TRPM6: variants seen among roughly 807,000 people sequenced by gnomAD.
TRPM6 encodes transient receptor potential cation channel subfamily M member 6.
TRPM6 carries 111 observed loss-of-function variants against 247.6 expected under a neutral mutation model. The ratio of observed to expected loss-of-function variants is 0.45; its 90% CI spans 0.38 to 0.52. TRPM6 has a LOEUF of 0.52. TRPM6 is among the 20% of genes least tolerant of loss of function. The pLI is 0.00. For synonymous variants in TRPM6, 892 were observed against 853.8 expected, an observed-to-expected ratio of 1.04 and a Z score of -0.78; for missense variants, 2,126 against 2,421.5, an observed-to-expected ratio of 0.88 and a Z score of 2.56.
In TRPM6 at chr9:74,785,869, C is replaced by T; in HGVS notation, c.2919+5G>A. ...TACCAGGATATAAAACTAGACTGTACTCACCATTTTTGCAATCATGGTCAC... is the reference window on the plus strand; with the variant it reads ...TACCAGGATATAAAACTAGACTGTATTCACCATTTTTGCAATCATGGTCAC... On this transcript the variant is annotated splice_donor_5th_base_variant and intron_variant, in intron 21 of 38. Transcript: ENST00000360774. 6.2e-7 allele frequency: 1 copy of T among 1,614,144 alleles called. No homozygotes were observed. The highest frequency in any genetic ancestry group is 8.5e-7 in the Non-Finnish European group (1 of 1,180,008).
Position 74,810,822 on chromosome 9 carries a change from A to G in TRPM6, c.1490T>C (p.Val497Ala), listed in dbSNP as rs1049627101. 5.0e-6 allele frequency: 8 copies of G among 1,613,666 alleles called. No individual in the cohort carries two copies. The Admixed American group carries it at 8.3e-5, about 17-fold the overall frequency. The change falls in exon 13 of 39, where the codon GTG becomes GCG. Residue 497 changes from valine (V) to alanine (A), a missense_variant. By Grantham distance (64) the Val-to-Ala change is moderately conservative. Coordinates refer to ENST00000360774, the MANE Select transcript of TRPM6 (RefSeq NM_017662.5). ...NTLLHHLVQDVKQHTLLSGYR... is the reference protein window; with the variant it reads ...NTLLHHLVQDAKQHTLLSGYR... Reference sequence around the variant, plus strand: ...CCTTCTTAATTAGGTTACCTGTTTCACATCTTGGACGAGATGATGCAAGAG... The same window carrying G: ...CCTTCTTAATTAGGTTACCTGTTTCGCATCTTGGACGAGATGATGCAAGAG...
intron 25 of TRPM6, among the ~76,000 whole-genome samples, chr9:74,767,334 T>C (rs140316563): frequency 6.6e-6 from 1 of 152,332 alleles, no homozygotes; most frequent in Non-Finnish European, 1.5e-5. Context: ...AAAGCTGACT[T>C]ACACTACTAG....
chr9:74,804,869 T>A (rs1828479308), intron 14 of TRPM6: 1 of 399,752 alleles, frequency 2.5e-6, no homozygotes, highest in Admixed American at 4.1e-5. Flanking sequence ...GCACAAAAAA[T>A]CCCAAAATAT....
intron 1 of TRPM6, among the ~76,000 whole-genome samples, chr9:74,883,900 A>G (rs942932330): frequency 7.2e-5 from 11 of 152,174 alleles, no homozygotes; most frequent in Non-Finnish European, 1.6e-4. Flanking sequence ...CTGTAATCCC[A>G]GCACTTTGGA....
chr9:74,808,097 A>G lies in TRPM6; in HGVS notation c.1575T>C (p.Tyr525=), dbSNP rs1268944887. The G allele has an allele frequency of 1.2e-6, 2 of 1,613,842 alleles. No homozygotes were observed. The highest frequency in any genetic ancestry group is 1.3e-5 in the African/African-American group (1 of 74,892). Residue 525 remains tyrosine (Y), a synonymous_variant, in exon 14 of 39, where the codon TAT becomes TAC. Coordinates refer to ENST00000360774, the MANE Select transcript of TRPM6 (RefSeq NM_017662.5). The part of the protein sequence containing the change: ...LVVEYLIGRA[Y]RSNYTRKHFR... ...AATGTTTTCTAGTGTAGTTGCTGCG[A>G]TATGCTCTACCAATGAGGTATTCTA...
chr9:74,773,075 C>A (rs1015758337), intron 24 of TRPM6, among the ~76,000 whole-genome samples: 3 of 151,966 alleles, frequency 2.0e-5, no homozygotes, highest in African/African-American at 7.3e-5. Context: ...TACAGTGAGC[C>A]GAGATCGCTC....
chr9:74,733,159 G>A (rs1825580664), intron 36 of TRPM6, among the ~76,000 whole-genome samples: 1 of 150,856 alleles, frequency 6.6e-6, no homozygotes, highest in Non-Finnish European at 1.5e-5. Flanking sequence ...CCGAGATCAC[G>A]CCACTGCATT....
intron 21 of TRPM6, 37 bp downstream of exon 21, chr9:74,785,837 A>G: frequency 1.2e-6 from 2 of 1,613,490 alleles, no homozygotes; most frequent in Non-Finnish European, 1.7e-6. Flanking sequence ...ATAATTTTAA[A>G]AAAGAATACC....
At position 74,834,061 on chromosome 9, in the gene TRPM6, G is replaced by T. The variant is rs997214852; in HGVS notation, c.606C>A (p.Ile202=). 1 of 1,614,090 alleles carries T rather than the reference G, an allele frequency of 6.2e-7. No homozygotes were observed. The highest frequency in any genetic ancestry group is 1.1e-5 in the South Asian group (1 of 91,078). Residue 202 remains isoleucine (I), a synonymous_variant, in exon 6 of 39, where the codon ATC becomes ATA. Coordinates refer to ENST00000360774, the MANE Select transcript of TRPM6 (RefSeq NM_017662.5). The stretch of plus-strand genomic sequence containing the variant: ...CCCAAGGAGGGATTCCAACTGTCCA[G>T]ATTTTTCTCAAGGAATGAGAGGAAT... ...KSHSSHSLRK[I]WTVGIPPWGV...
chr9:74,835,682 A>T (rs1294875556), intron 5 of TRPM6, among the ~76,000 whole-genome samples: 1 of 152,124 alleles, frequency 6.6e-6, no homozygotes, highest in African/African-American at 2.4e-5. Flanking sequence ...TGGCACTGAG[A>T]GTTTAAATAA....
intron 33 of TRPM6, 57 bp downstream of exon 33, chr9:74,742,500 TTCAC>T: frequency 6.7e-7 from 1 of 1,501,810 alleles, no homozygotes; most frequent in Non-Finnish European, 9.3e-7. Flanking sequence ...TTTCCTTTGA[TTCAC>T]TCAGATTTTA....
chr9:74,774,249 C>T (rs1020339199), intron 24 of TRPM6, among the ~76,000 whole-genome samples: 2 of 152,130 alleles, frequency 1.3e-5, no homozygotes, highest in African/African-American at 2.4e-5. Flanking sequence ...ACCCAGGAAA[C>T]GTTCTTTCAT....
intron 28 of TRPM6, 97 bp downstream of exon 28, chr9:74,755,256 T>A: frequency 7.9e-7 from 1 of 1,265,604 alleles, no homozygotes; most frequent in Non-Finnish European, 1.1e-6. Context: ...CTCATCTCCA[T>A]GTGAAAGAAC....
intron 1 of TRPM6, among the ~76,000 whole-genome samples, chr9:74,868,471 G>A (rs1238774045): frequency 6.6e-6 from 1 of 151,648 alleles, no homozygotes; most frequent in Non-Finnish European, 1.5e-5. Context: ...CTCCAGCCTG[G>A]TCGACAGAGC....
chr9:74,844,309 A>G (rs1303014748), intron 3 of TRPM6, among the ~76,000 whole-genome samples: 1 of 152,208 alleles, frequency 6.6e-6, no homozygotes, highest in East Asian at 1.9e-4. Flanking sequence ...CTCTCTAGCT[A>G]TGAAAGTCTC....
At chr9:74,751,195 C>T (rs77525541) in intron 29 of TRPM6, among the ~76,000 whole-genome samples, 319 of 152,234 alleles carry the variant, frequency 2.1e-3, no homozygotes, top group African/African-American at 7.3e-3. Flanking sequence ...TTGGATTTAC[C>T]TCATTTGATT....
At chr9:74,866,891 A>T (rs536101221) in intron 1 of TRPM6, among the ~76,000 whole-genome samples, 1 of 152,210 alleles carries the variant, frequency 6.6e-6, no homozygotes, top group South Asian at 2.1e-4. Flanking sequence ...GTTTATTTAA[A>T]TTATGTCTAC....
intron 5 of TRPM6, among the ~76,000 whole-genome samples, chr9:74,835,026 T>C (rs1026771635): frequency 1.3e-5 from 2 of 152,194 alleles, no homozygotes; most frequent in Non-Finnish European, 2.9e-5. Flanking sequence ...TCTTCCACAA[T>C]GGTTGAACTA....
intron 3 of TRPM6, among the ~76,000 whole-genome samples, chr9:74,844,145 A>G (rs1325244791): frequency 6.6e-6 from 1 of 152,222 alleles, no homozygotes; most frequent in Non-Finnish European, 1.5e-5. Flanking sequence ...GGGACCTAAA[A>G]TTTTGGCATG....
Sources: gnomAD v4.1 joint callset for allele counts (sites outside exome capture counted in the v4.1 genomes callset) on GRCh38, gnomAD v4.1.1 for gene constraint, MANE v1.5 for transcripts, NCBI Gene and HGNC (gene_info 2026-07-23, HGNC 2026-07-21) for gene names.